Variants in INTS7 observed in about 807,000 individuals in gnomAD.
The protein encoded by INTS7 is integrator complex subunit 7, also known as chromosome 1 open reading frame 73.
INTS7 carries 46 observed loss-of-function variants against 109.2 expected under a neutral mutation model. The observed-to-expected ratio is 0.42, with a 90% confidence interval of 0.33 to 0.54. INTS7 has a LOEUF of 0.54. Ranked by LOEUF, INTS7 falls within the 20% of genes least tolerant of loss-of-function variation. The probability of loss-of-function intolerance (pLI) is 0.07; values close to 1 mark genes in which losing one functional copy is unlikely to be tolerated. For synonymous variants in INTS7, 412 were observed against 402.9 expected (o/e 1.02, Z -0.27); for missense variants, 929 against 1,132.4 (o/e 0.82, Z 2.58).
In INTS7 at chr1:211,941,757, GA is replaced by G. The variant is rs1662640584; in HGVS notation, c.*66del. On this transcript the variant is annotated 3_prime_UTR_variant, in exon 20 of 20. Transcript: ENST00000366994. ...TGTAACTTTAATACTTATTCCATAT[GA>G]AAAACCAAACTGTTTCTGGCAATTT... The G allele has an allele frequency of 1.3e-6, 2 of 1,554,260 alleles. No homozygotes were observed. The highest frequency in any genetic ancestry group is 1.7e-6 in the Non-Finnish European group (2 of 1,150,564).
intron 5 of INTS7, among the ~76,000 whole-genome samples, chr1:212,009,812 A>C (rs115303029): frequency 0.027 from 4,057 of 152,328 alleles, 80 homozygotes; most frequent in Non-Finnish European, 0.04. Flanking sequence ...TAATGTCATA[A>C]GGATACTTTT....
chr1:211,943,249 T>C (rs925040808), intron 19 of INTS7, among the ~76,000 whole-genome samples: 7 of 152,044 alleles, frequency 4.6e-5, no homozygotes, highest in Admixed American at 6.6e-5. Flanking sequence ...AAAGTAATCA[T>C]GTTATTACTC....
At position 211,975,372 on chromosome 1, in the gene INTS7, C is replaced by T. The variant is rs760604454; in HGVS notation, c.1609G>A (p.Gly537Ser). Reference sequence around the variant, plus strand: ...AGCTCTTTGGCCATGTCATGATTACCCTAAAAACAAAAAAAGAAAAGAAAA... The same window carrying T: ...AGCTCTTTGGCCATGTCATGATTACTCTAAAAACAAAAAAAGAAAAGAAAA... ...YRIARQASRM[G>S]NHDMAKELYQ... Residue 537 changes from glycine (G) to serine (S), a missense_variant and splice_region_variant, in exon 13 of 20, where the codon GGT (glycine) becomes AGT (serine). Physicochemically the swap from Gly to Ser is moderately conservative, Grantham distance 56. Coordinates refer to ENST00000366994, the MANE Select transcript of INTS7 (RefSeq NM_015434.4). 33 of 1,609,878 alleles carry T rather than the reference C, an allele frequency of 2.0e-5. No homozygotes were observed. The highest frequency in any genetic ancestry group is 2.7e-5 in the Non-Finnish European group (32 of 1,178,004).
At chr1:212,028,901 C>G (rs1667039549) in intron 1 of INTS7, among the ~76,000 whole-genome samples, 1 of 152,184 alleles carries the variant, frequency 6.6e-6, no homozygotes, top group Non-Finnish European at 1.5e-5. Flanking sequence ...TGACAAATGA[C>G]AGAGCTGGGA....
rs551132590 is a variant in INTS7, at chr1:211,979,936, G to A, written c.1230+1157C>T. Among the ~76,000 whole-genome samples, 13 of 152,100 alleles carry A rather than the reference G, an allele frequency of 8.5e-5. No individual in the cohort carries two copies. In the South Asian group the frequency reaches 1.7e-3, roughly 19 times the overall value. On this transcript the variant is annotated intron_variant, in intron 10 of 19. Transcript: ENST00000366994. ...AATATCAGAGAATGTATTGTGTTCC[G>A]CTTGGTATTATAGTCCCCTATATAA...
rs537634493 is a variant in INTS7, at chr1:211,950,090, GTGTT to G, written c.2316+2475_2316+2478del. Among the ~76,000 whole-genome samples, 54 of 152,206 alleles carry G rather than the reference GTGTT, an allele frequency of 3.5e-4. 1 individual carries two copies. Among genetic ancestry groups the G allele is most frequent in the Admixed American group, 5.9e-4 (9 of 15,284 alleles). On this transcript the variant is annotated intron_variant, in intron 17 of 19. Transcript: ENST00000366994. ...TCTATTAATGCACATATACTGTATT[GTGTT>G]TGTTTATAAAATCTTTCTTTCTTAG...
At position 211,974,269 on chromosome 1, in the gene INTS7, A is replaced by AT. The variant is rs1325215642; in HGVS notation, c.1815+896_1815+897insA. Reference sequence around the variant, plus strand: ...TAGGAAACAACAATCTCTTCCCAGAAAAAAAAAATATATATATATATATAT... The same window carrying AT: ...TAGGAAACAACAATCTCTTCCCAGAATAAAAAAAATATATATATATATATAT... On this transcript the variant is annotated intron_variant, in intron 13 of 19. Transcript: ENST00000366994. Among the ~76,000 whole-genome samples, 483 of 79,978 alleles carry AT rather than the reference A, an allele frequency of 6.0e-3. 7 individuals are homozygous for AT. The highest frequency in any genetic ancestry group is 0.025 in the African/African-American group (449 of 17,734). 52.5% of individuals were successfully genotyped at this position (79,978 alleles called of 152,430 possible). A position where few individuals can be genotyped will look rare whatever the true frequency, so the allele number is the denominator to read the frequency against.
chr1:211,950,083 C>G (rs550604950), intron 17 of INTS7, among the ~76,000 whole-genome samples: 5 of 152,278 alleles, frequency 3.3e-5, no homozygotes, highest in African/African-American at 1.2e-4. Context: ...TGCACATATA[C>G]TGTATTGTGT....
chr1:211,980,954 A>G (rs1340944912), intron 10 of INTS7, 139 bp downstream of exon 10: 4 of 495,394 alleles, frequency 8.1e-6, no homozygotes, highest in African/African-American at 7.9e-5. Context: ...AGATTAAATC[A>G]GTGTAGTTTT....
intron 7 of INTS7, among the ~76,000 whole-genome samples, chr1:211,990,253 C>A (rs377608180): frequency 6.7e-6 from 1 of 149,150 alleles, no homozygotes; most frequent in Non-Finnish European, 1.5e-5. Flanking sequence ...CAGTGGGGAA[C>A]TGGGTATATA....
At chr1:211,974,276 A>AAAATATATATAT (rs1553249481) in intron 13 of INTS7, among the ~76,000 whole-genome samples, 6 of 92,410 alleles carry the variant, frequency 6.5e-5, no homozygotes, top group East Asian at 2.8e-4. Context: ...AGAAAAAAAA[A>AAAATATATATAT]ATATATATAT....
At position 212,035,451 on chromosome 1, in the gene INTS7, A is replaced by C. The variant is rs1477321611; in HGVS notation, c.-14T>G. 1.3e-6 allele frequency: 2 copies of C among 1,584,522 alleles called. No individual in the cohort carries two copies. Among genetic ancestry groups the C allele is most frequent in the Admixed American group, 3.3e-5 (2 of 59,996 alleles). On this transcript the variant is annotated 5_prime_UTR_variant, in exon 1 of 20. Coordinates refer to ENST00000366994, the MANE Select transcript of INTS7 (RefSeq NM_015434.4). ...GTTTGACGCCATGACCCGAATAGTT[A>C]CTCGACTAGCCTAGTCAGAAAGCTT... is the stretch of plus-strand genomic sequence containing the variant.
At chr1:211,990,724 G>C (rs1665108481) in intron 7 of INTS7, among the ~76,000 whole-genome samples, 1 of 152,170 alleles carries the variant, frequency 6.6e-6, no homozygotes, top group South Asian at 2.1e-4. Flanking sequence ...AATTAGGCCA[G>C]AATATGGGGT....
chr1:211,951,351 C>T (rs1245241377), intron 17 of INTS7, among the ~76,000 whole-genome samples: 4 of 152,082 alleles, frequency 2.6e-5, no homozygotes, highest in Non-Finnish European at 4.4e-5. Context: ...CTCTGTTGCC[C>T]GGGCTGGAGT....
intron 7 of INTS7, among the ~76,000 whole-genome samples, chr1:211,997,584 A>C (rs1665463633): frequency 6.6e-6 from 1 of 151,810 alleles, no homozygotes; most frequent in South Asian, 2.1e-4. Context: ...GATCAAAAAA[A>C]CACAATACTA....
chr1:211,976,800 A>T (rs1049915652), intron 11 of INTS7, 81 bp from the exon 12 acceptor site: 3 of 1,334,580 alleles, frequency 2.2e-6, no homozygotes, highest in Non-Finnish European at 3.2e-6. Context: ...AAGGGAGGAA[A>T]ACTAATTAGA....
chr1:212,003,634 TTTAA>T (rs1665778578), intron 7 of INTS7, among the ~76,000 whole-genome samples: 1 of 152,174 alleles, frequency 6.6e-6, no homozygotes, highest in Admixed American at 6.5e-5. Flanking sequence ...CAGAAAAAAG[TTTAA>T]TTATATTTTA....
In INTS7 at chr1:211,987,974, A is replaced by G; in HGVS notation, c.909T>C (p.Pro303=). The part of the protein sequence containing the change: ...QALCECALQT[P]YDSLKLGMLS... Reference sequence around the variant, plus strand: ...ACATCCCTAGTTTTAAGCTGTCATAAGGAGTCTGGAGGGCACACTCACAAA... The same window carrying G: ...ACATCCCTAGTTTTAAGCTGTCATAGGGAGTCTGGAGGGCACACTCACAAA... The change falls in exon 8 of 20, where the codon CCT becomes CCC. Residue 303 remains proline, a synonymous_variant. Transcript: ENST00000366994. 1 of 1,609,230 alleles carries G rather than the reference A, an allele frequency of 6.2e-7. No homozygotes were observed. The highest frequency in any genetic ancestry group is 8.5e-7 in the Non-Finnish European group (1 of 1,176,032).
rs1662661804 is a variant in INTS7, at chr1:211,942,251, G to A, written c.2602-140C>T. On this transcript the variant is annotated intron_variant, in intron 19 of 19. Transcript: ENST00000366994. This position sits in a 1 kb window ranked among gnomAD's most constrained non-coding sequence, Gnocchi z 4.2. ...GTACTGCTATCATCCTTGCTTCACC[G>A]ATGAGGAGTCTAAGGCAGACAGGTT... 10 of 857,694 alleles carry A rather than the reference G, an allele frequency of 1.2e-5. No homozygotes were observed. The highest frequency in any genetic ancestry group is 5.0e-5 in the East Asian group (2 of 39,920). The allele number at this position is 857,694 out of a possible 1,614,324, so 53.1% of individuals were successfully genotyped here.
Sources: gnomAD v4.1 joint callset for allele counts (sites outside exome capture counted in the v4.1 genomes callset) on GRCh38, gnomAD v4.1.1 for gene constraint, Gnocchi (gnomAD v3.1) non-coding constraint, MANE v1.5 for transcripts, NCBI Gene and HGNC (gene_info 2026-07-23, HGNC 2026-07-21) for gene names.